The following CACNA1E variants were observed in gnomAD, a reference collection of about 807,000 sequenced individuals.
CACNA1E encodes the protein voltage-dependent R-type calcium channel subunit alpha-1E.
CACNA1E carries 40 observed loss-of-function variants against 259.2 expected under a neutral mutation model. The ratio of observed to expected loss-of-function variants is 0.15; its 90% CI spans 0.12 to 0.20. CACNA1E has a LOEUF of 0.20. Ranked by LOEUF, CACNA1E falls within the 10% of genes least tolerant of loss-of-function variation. CACNA1E has a pLI of 1.00. For missense variants in CACNA1E, 1,874 were observed against 3,040.1 expected (o/e 0.62, Z 9.02); for synonymous variants, 1,104 against 1,138.5 (o/e 0.97, Z 0.61).
At position 181,374,281 on chromosome 1, in the gene CACNA1E, G is replaced by A. The variant is rs1354428389; in HGVS notation, c.-14-38852G>A. 3.3e-5 allele frequency among the ~76,000 whole-genome samples: 5 copies of A among 151,984 alleles called. No individual in the cohort carries two copies. In the South Asian group the frequency reaches 8.3e-4, roughly 25 times the overall value. ...TTTACCCAATGGTCATTGATGAGCA[G>A]GTTGTTTAATTTCCATGTAATTGTA... On this transcript the variant is annotated intron_variant, in intron 1 of 11. Coordinates refer to the CACNA1E transcript ENST00000524607.
intron 6 of CACNA1E, among the ~76,000 whole-genome samples, chr1:181,611,091 TTTCCATGA>T (rs1654712359): frequency 1.3e-5 from 2 of 152,314 alleles, no homozygotes; most frequent in African/African-American, 4.8e-5. Context: ...TACTAATCCA[TTTCCATGA>T]TTATGAACAA....
intron 7 of CACNA1E, among the ~76,000 whole-genome samples, chr1:181,682,395 A>G (rs1190129403): frequency 3.3e-5 from 5 of 152,218 alleles, no homozygotes; most frequent in Admixed American, 2.6e-4. Context: ...ATCACAGGTG[A>G]GGAAACCGGA....
At chr1:181,698,054 A>G (rs942991479) in intron 7 of CACNA1E, among the ~76,000 whole-genome samples, 1 of 152,222 alleles carries the variant, frequency 6.6e-6, no homozygotes, top group African/African-American at 2.4e-5. Flanking sequence ...AAAAGGTCCT[A>G]TGTAAAAATG....
chr1:181,475,774 A>G (rs542354464), intron 2 of CACNA1E, among the ~76,000 whole-genome samples: 1 of 152,272 alleles, frequency 6.6e-6, no homozygotes, highest in East Asian at 1.9e-4. Flanking sequence ...AGGATTTACA[A>G]TGACGTCACT....
At position 181,796,794 on chromosome 1, in the gene CACNA1E, A is replaced by C; in HGVS notation, c.6335A>C (p.Glu2112Ala). The change falls in exon 47 of 48, where the codon GAG becomes GCG. Residue 2112 changes from glutamate to alanine, a missense_variant. Transcript: ENST00000367573. ...GAGCGAGGGACCCAGGCTGACTGGG[A>C]GTCCCCAGAGCGCCGTCAATCCAGG... ...SEERGTQADW[E>A]SPERRQSRSP... 1 of 1,611,618 alleles carries C rather than the reference A, an allele frequency of 6.2e-7. No homozygotes were observed. Among genetic ancestry groups the C allele is most frequent in the Non-Finnish European group, 8.5e-7 (1 of 1,178,952 alleles).
intron 6 of CACNA1E, among the ~76,000 whole-genome samples, chr1:181,641,460 C>T (rs906986427): frequency 6.6e-6 from 1 of 152,186 alleles, no homozygotes; most frequent in Non-Finnish European, 1.5e-5. Context: ...CTCTTTCTCT[C>T]TCCTTGGAAT....
chr1:181,447,808 C>G (rs576704140), intron 2 of CACNA1E, among the ~76,000 whole-genome samples: 1 of 152,152 alleles, frequency 6.6e-6, no homozygotes, highest in Admixed American at 6.5e-5. Flanking sequence ...GCTGTAGGGT[C>G]GCAGTTTCCT....
At position 181,490,378 on chromosome 1, in the gene CACNA1E, TA is replaced by T. The variant is rs568341402; in HGVS notation, c.266+6381del. The stretch of plus-strand genomic sequence containing the variant: ...TTCCACCCTTAATCCTCTTACTTAT[TA>T]AAAAAAAAAAAAGGAGCCTCAAATA... On this transcript the variant is annotated intron_variant, in intron 1 of 47. Transcript: ENST00000367573. Among the ~76,000 whole-genome samples the T allele has an allele frequency of 6.1e-3, 847 of 139,414 alleles. 5 individuals carry two copies. Among genetic ancestry groups the T allele is most frequent in the South Asian group, 0.01 (46 of 4,402 alleles). 91.5% of individuals were successfully genotyped at this position (139,414 alleles called of 152,430 possible).
At chr1:181,744,004 G>C (rs1470822181) in intron 25 of CACNA1E, among the ~76,000 whole-genome samples, 1 of 152,242 alleles carries the variant, frequency 6.6e-6, no homozygotes, top group African/African-American at 2.4e-5. Flanking sequence ...CAGGGCATGG[G>C]GTGAGGTCAG....
chr1:181,363,775 G>A lies in CACNA1E; in HGVS notation c.-15+45652G>A, dbSNP rs1195992589. Among the ~76,000 whole-genome samples, 5 of 152,190 alleles carry A rather than the reference G, an allele frequency of 3.3e-5. No individual in the cohort carries two copies. The South Asian group carries it at 6.2e-4, about 19-fold the overall frequency. On this transcript the variant is annotated intron_variant, in intron 1 of 11. Coordinates refer to the CACNA1E transcript ENST00000524607. ...GTTGCCAAGCCCAATAAGGTTGCAG[G>A]TGCCAGCCATCAGAAACAAGGCATG...
At chr1:181,670,600 A>G (rs1428686085) in intron 7 of CACNA1E, among the ~76,000 whole-genome samples, 1 of 152,180 alleles carries the variant, frequency 6.6e-6, no homozygotes, top group East Asian at 1.9e-4. Flanking sequence ...AAGGGGCCAC[A>G]TATTCTTACC....
chr1:181,786,052 TAGA>T (rs1458656981), intron 43 of CACNA1E, among the ~76,000 whole-genome samples: 10 of 152,336 alleles, frequency 6.6e-5, no homozygotes, highest in African/African-American at 2.2e-4. Context: ...GAATGAACAA[TAGA>T]AGAAGGGAGT....
intron 15 of CACNA1E, 28 bp from the exon 16 acceptor site, chr1:181,721,730 T>C: frequency 2.7e-6 from 4 of 1,480,206 alleles, no homozygotes; most frequent in Non-Finnish European, 3.8e-6. Context: ...CCCAGGTTTC[T>C]GATGCGCCTG....
In CACNA1E at chr1:181,740,656, A is replaced by C. The variant is rs547779250; in HGVS notation, c.3719+1403A>C. ...TTCCTCAGCCATGAGAGACCCTTCA[A>C]AAGAAAACCACATTGAGCATAGTTT... On this transcript the variant is annotated intron_variant, in intron 25 of 47. Coordinates refer to ENST00000367573, the MANE Select transcript of CACNA1E (RefSeq NM_001205293.3). Among the ~76,000 whole-genome samples, 7 of 152,276 alleles carry C rather than the reference A, an allele frequency of 4.6e-5. No homozygotes were observed. The South Asian group carries it at 6.2e-4, about 14-fold the overall frequency.
At chr1:181,546,254 G>A (rs1245541721) in intron 3 of CACNA1E, among the ~76,000 whole-genome samples, 2 of 152,188 alleles carry the variant, frequency 1.3e-5, no homozygotes, top group African/African-American at 4.8e-5. Flanking sequence ...TGGTCTGAAA[G>A]TTAGGAGCCC....
At chr1:181,745,329 T>C (rs1375499636) in intron 25 of CACNA1E, 1 of 487,578 alleles carries the variant, frequency 2.1e-6, no homozygotes, top group East Asian at 5.7e-5. Flanking sequence ...AACACCCAAG[T>C]ATTTTTTTTT....
chr1:181,751,775 C>T lies in CACNA1E; in HGVS notation c.3732-368C>T, dbSNP rs139884190. Reference sequence around the variant, plus strand: ...CACGTTCCCTAGTTGATGTGTCTTCCGTTTTCATTGTGCCAGTGTGGTAAT... The same window carrying T: ...CACGTTCCCTAGTTGATGTGTCTTCTGTTTTCATTGTGCCAGTGTGGTAAT... On this transcript the variant is annotated intron_variant, in intron 26 of 47. Transcript: ENST00000367573. Among the ~76,000 whole-genome samples the T allele has an allele frequency of 1.5e-4, 23 of 152,252 alleles. No individual in the cohort carries two copies. In the East Asian group the frequency reaches 3.1e-3, roughly 20 times the overall value.
At chr1:181,670,770 C>T (rs1648710301) in intron 7 of CACNA1E, among the ~76,000 whole-genome samples, 1 of 152,156 alleles carries the variant, frequency 6.6e-6, no homozygotes, top group African/African-American at 2.4e-5. Flanking sequence ...CACCCCACTA[C>T]CTTTTGTGCT....
At chr1:181,344,027 TC>T (rs1300828966) in intron 1 of CACNA1E, among the ~76,000 whole-genome samples, 4 of 152,168 alleles carry the variant, frequency 2.6e-5, no homozygotes, top group African/African-American at 9.7e-5. Flanking sequence ...AGGAAGTTGT[TC>T]CTGCCAAGAA....
Sources: allele counts gnomAD v4.1 joint callset (sites outside exome capture counted in the v4.1 genomes callset), GRCh38; gene constraint gnomAD v4.1.1; transcripts MANE v1.5; gene names NCBI Gene and HGNC (gene_info 2026-07-23, HGNC 2026-07-21).